Variants in ACCSL observed in about 807,000 individuals in gnomAD.
The protein encoded by ACCSL is probable inactive 1-aminocyclopropane-1-carboxylate synthase-like protein 2.
ACCSL carries 55 observed loss-of-function variants against 61.7 expected under a neutral mutation model. The observed-to-expected ratio is 0.89, with a 90% confidence interval of 0.72 to 1.12. The LOEUF is 1.12. ACCSL is among the 50% of genes most tolerant of loss of function. ACCSL has a pLI of 0.00. For synonymous variants in ACCSL, 258 were observed against 264.3 expected, an observed-to-expected ratio of 0.98 and a Z score of 0.23; for missense variants, 632 against 698.0, an observed-to-expected ratio of 0.91 and a Z score of 1.07.
At chr11:43,987,093 T>C in the ACCSL span, among the ~76,000 whole-genome samples, 1 of 148,956 alleles carries the variant, frequency 6.7e-6, no homozygotes, top group Non-Finnish European at 1.5e-5. Flanking sequence ...CACCCCCGAG[T>C]CTTCTTCAAG....
the ACCSL span, among the ~76,000 whole-genome samples, chr11:44,031,175 G>T: frequency 6.6e-6 from 1 of 152,128 alleles, no homozygotes; most frequent in Non-Finnish European, 1.5e-5. Context: ...TGGTTAGGAG[G>T]ATTCCATGAG....
chr11:44,041,477 A>G, the ACCSL span, among the ~76,000 whole-genome samples: 1 of 152,202 alleles, frequency 6.6e-6, no homozygotes, highest in Non-Finnish European at 1.5e-5. Flanking sequence ...CCTCTAGGAT[A>G]GGTTGAAAAT....
chr11:43,965,980 A>G, the ACCSL span, among the ~76,000 whole-genome samples: 1 of 152,250 alleles, frequency 6.6e-6, no homozygotes, highest in Non-Finnish European at 1.5e-5. Flanking sequence ...AAAGATCTAA[A>G]TATAAGAGCT....
chr11:44,053,843 T>C (rs1952654888), intron 8 of ACCSL, among the ~76,000 whole-genome samples: 2 of 152,222 alleles, frequency 1.3e-5, no homozygotes, highest in East Asian at 1.9e-4. Context: ...GCCTAGGCAA[T>C]AGAGTGAGAC....
intron 11 of ACCSL, 40 bp downstream of exon 11, chr11:44,056,366 T>G (rs1370367936): frequency 3.1e-6 from 5 of 1,591,798 alleles, no homozygotes; most frequent in Non-Finnish European, 4.3e-6. Flanking sequence ...TGGCTGGACC[T>G]CATGGCCATG....
the ACCSL span, among the ~76,000 whole-genome samples, chr11:44,040,690 G>A: frequency 6.6e-6 from 1 of 152,166 alleles, no homozygotes; most frequent in African/African-American, 2.4e-5. Context: ...AGAGGTAAGT[G>A]CTGGTGGCAG....
At chr11:43,937,381 T>C in the ACCSL span, among the ~76,000 whole-genome samples, 1 of 152,174 alleles carries the variant, frequency 6.6e-6, no homozygotes, top group Non-Finnish European at 1.5e-5. Flanking sequence ...TAGGCGAGGC[T>C]TCTTCAAGGA....
chr11:43,942,835 C>T, the ACCSL span: 22 of 1,130,764 alleles, frequency 1.9e-5, no homozygotes, highest in East Asian at 4.3e-5. Context: ...CCCGGGGGGC[C>T]CCGGCGCAGC....
chr11:43,952,601 G>C, the ACCSL span, among the ~76,000 whole-genome samples: 7 of 152,156 alleles, frequency 4.6e-5, no homozygotes, highest in African/African-American at 1.7e-4. Flanking sequence ...GCAGCCCCCA[G>C]TCACATACCG....
At chr11:44,001,197 C>T in the ACCSL span, 1 of 152,196 alleles carries the variant, frequency 6.6e-6, no homozygotes, top group African/African-American at 2.4e-5. Context: ...CATAAACAGA[C>T]ATACTACCAA....
chr11:43,932,611 G>A, the ACCSL span, among the ~76,000 whole-genome samples: 1 of 152,190 alleles, frequency 6.6e-6, no homozygotes, highest in Admixed American at 6.5e-5. Context: ...AAGTATCGGA[G>A]CAGGCAGTCC....
At chr11:44,016,904 T>C in the ACCSL span, among the ~76,000 whole-genome samples, 1 of 152,202 alleles carries the variant, frequency 6.6e-6, no homozygotes, top group Non-Finnish European at 1.5e-5. Flanking sequence ...ACTTATAAAA[T>C]AGATCTCTTA....
the ACCSL span, among the ~76,000 whole-genome samples, chr11:43,979,861 A>AG: frequency 5.5e-5 from 7 of 126,512 alleles, no homozygotes; most frequent in African/African-American, 2.0e-4. Flanking sequence ...AAAAAAAAAA[A>AG]AAAAGAAAAG....
chr11:44,053,461 TCTA>T lies in ACCSL; in HGVS notation c.1007_1009del (p.Tyr336del). On this transcript the variant is annotated inframe_deletion, in exon 8 of 14. Transcript: ENST00000378832. ...AACCCTCAGAATCCTCTGGGTGACA[TCTA>T]CTCCCCAGACTCACTGATGAAATAC... 6.2e-7 allele frequency: 1 copy of T among 1,614,176 alleles called. No individual in the cohort carries two copies. The highest frequency in any genetic ancestry group is 8.5e-7 in the Non-Finnish European group (1 of 1,180,036).
chr11:44,010,531 C>A, the ACCSL span, among the ~76,000 whole-genome samples: 9 of 152,088 alleles, frequency 5.9e-5, no homozygotes, highest in Non-Finnish European at 1.0e-4. Flanking sequence ...CCCTCTCATG[C>A]CCAAGTGGAT....
At chr11:44,006,947 C>T in the ACCSL span, among the ~76,000 whole-genome samples, 2 of 152,208 alleles carry the variant, frequency 1.3e-5, no homozygotes, top group African/African-American at 4.8e-5. Flanking sequence ...CTAACCTCTC[C>T]CCACTGGCCC....
chr11:44,021,782 G>C, the ACCSL span, among the ~76,000 whole-genome samples: 2 of 152,108 alleles, frequency 1.3e-5, no homozygotes, highest in African/African-American at 4.8e-5. Flanking sequence ...TCCACCTTGA[G>C]TTGATTTTTT....
chr11:44,057,003 T>C (rs1952675891), intron 11 of ACCSL, among the ~76,000 whole-genome samples: 1 of 152,172 alleles, frequency 6.6e-6, no homozygotes, highest in Non-Finnish European at 1.5e-5. Flanking sequence ...TCTGTTTGCT[T>C]TAGACAAAGA....
chr11:44,055,397 T>C, intron 9 of ACCSL, 106 bp downstream of exon 9: 1 of 753,108 alleles, frequency 1.3e-6, no homozygotes, highest in Non-Finnish European at 2.2e-6. Flanking sequence ...ACATAGCCAG[T>C]TAACTGCCCA....
Sources: allele counts gnomAD v4.1 joint callset (sites outside exome capture counted in the v4.1 genomes callset), GRCh38; gene constraint gnomAD v4.1.1; transcripts MANE v1.5; gene names NCBI Gene and HGNC (gene_info 2026-07-23, HGNC 2026-07-21).